The following DNALI1 variants were observed in gnomAD, a reference collection of about 807,000 sequenced individuals.
DNALI1 encodes the protein dynein axonemal light intermediate chain 1.
DNALI1 carries 31 observed loss-of-function variants against 33.9 expected under a neutral mutation model. The observed-to-expected ratio is 0.91, with a 90% CI of 0.69 to 1.23. DNALI1 has a LOEUF of 1.23. DNALI1 is among the 50% of genes most tolerant of loss of function. The pLI, the probability that DNALI1 is intolerant of heterozygous loss-of-function variation, is 0.00. For synonymous variants in DNALI1, 117 were observed against 129.2 expected (o/e 0.91, Z 0.64); for missense variants, 305 against 323.8 (o/e 0.94, Z 0.44).
chr1:37,562,121 A>G lies in DNALI1; in HGVS notation c.617A>G (p.Gln206Arg), dbSNP rs369922317. ...LETEKRDLER[Q>R]VNEQKAKCEA... Reference sequence around the variant, plus strand: ...ACGGAAAAGAGAGACCTGGAGAGGCAAGTGAACGAGCAGAAGGCAAAATGT... The same window carrying G: ...ACGGAAAAGAGAGACCTGGAGAGGCGAGTGAACGAGCAGAAGGCAAAATGT... Residue 206 changes from glutamine to arginine, a missense_variant, in exon 5 of 6, where the codon CAA becomes CGA. By Grantham distance (43) the Gln-to-Arg change is conservative (BLOSUM62 1). Transcript: ENST00000652629. This position sits in a 1 kb window ranked among gnomAD's most constrained non-coding sequence, Gnocchi z 5.8. 5.0e-6 allele frequency: 8 copies of G among 1,614,012 alleles called. No individual in the cohort carries two copies. The African/African-American group carries it at 6.7e-5, about 13-fold the overall frequency.
Position 37,559,379 on chromosome 1 carries a change from A to C in DNALI1, c.280A>C (p.Ser94Arg), listed in dbSNP as rs777865603. 6.2e-7 allele frequency: 1 copy of C among 1,612,672 alleles called. No individual in the cohort carries two copies. ...LWIQQVSSTP[S>R]TRMDVVHLQE... Reference sequence around the variant, plus strand: ...GATCCAGCAGGTGTCCAGCACCCCTAGCACCAGGATGGACGTGGTGCACCT... The same window carrying C: ...GATCCAGCAGGTGTCCAGCACCCCTCGCACCAGGATGGACGTGGTGCACCT... Residue 94 changes from serine (S) to arginine (R), a missense_variant, in exon 3 of 6, where the codon AGC becomes CGC. Coordinates refer to ENST00000652629, the MANE Select transcript of DNALI1 (RefSeq NM_003462.5). This position sits in a 1 kb window ranked among gnomAD's most constrained non-coding sequence, Gnocchi z 5.3.
intron 2 of DNALI1, among the ~76,000 whole-genome samples, chr1:37,558,565 G>C (rs947526261): frequency 6.6e-6 from 1 of 152,086 alleles, no homozygotes; most frequent in Non-Finnish European, 1.5e-5. Context: ...TCTGTTTCTT[G>C]TTCACTGTGC....
In DNALI1 at chr1:37,559,575, G is replaced by C; in HGVS notation, c.397+79G>C. 2.2e-6 allele frequency: 3 copies of C among 1,363,074 alleles called. No homozygotes were observed. The highest frequency in any genetic ancestry group is 2.9e-6 in the Non-Finnish European group (3 of 1,043,876). 84.4% of individuals were successfully genotyped at this position (1,363,074 alleles called of 1,614,324 possible). Reference sequence around the variant, plus strand: ...TCACCTTCAGCACAGATCCAAGCCTGAGCACCTTGGAGCTGGAGCCCATCT... The same window carrying C: ...TCACCTTCAGCACAGATCCAAGCCTCAGCACCTTGGAGCTGGAGCCCATCT... On this transcript the variant is annotated intron_variant, in intron 3 of 5. Coordinates refer to ENST00000652629, the MANE Select transcript of DNALI1 (RefSeq NM_003462.5). This position sits in a 1 kb window ranked among gnomAD's most constrained non-coding sequence, Gnocchi z 5.3.
Position 37,557,647 on chromosome 1 carries a change from T to C in DNALI1, c.126T>C (p.Gly42=), listed in dbSNP as rs577512383. The change falls in exon 2 of 6, where the codon GGT becomes GGC. Residue 42 remains glycine (G), a synonymous_variant. Coordinates refer to ENST00000652629, the MANE Select transcript of DNALI1 (RefSeq NM_003462.5). ...KVSPQQPGPS[G]SAPQPPKTKL... ...GCCCCCAGCAGCCTGGACCTTCAGG[T>C]TCAGCCCCACAGCCACCCAAGACCA... 1 of 1,613,984 alleles carries C rather than the reference T, an allele frequency of 6.2e-7. No homozygotes were observed. The highest frequency in any genetic ancestry group is 1.1e-5 in the South Asian group (1 of 91,082).
intron 1 of DNALI1, 85 bp from the exon 2 acceptor site, chr1:37,557,518 A>G: frequency 6.6e-7 from 1 of 1,508,924 alleles, no homozygotes; most frequent in Non-Finnish European, 8.9e-7. Flanking sequence ...GGCTGTGCAG[A>G]AGACCTGGAG....
rs1643412338 is a variant in DNALI1, at chr1:37,559,598, T to A, written c.397+102T>A. On this transcript the variant is annotated intron_variant, in intron 3 of 5. Coordinates refer to ENST00000652629, the MANE Select transcript of DNALI1 (RefSeq NM_003462.5). The surrounding 1 kb of genome is among the most constrained non-coding windows in gnomAD (Gnocchi z 5.3). The stretch of plus-strand genomic sequence containing the variant: ...CTGAGCACCTTGGAGCTGGAGCCCA[T>A]CTCATGCTGGAATCCCCTCTTCTCC... The A allele has an allele frequency of 1.5e-6, 2 of 1,290,728 alleles. No individual in the cohort carries two copies. The highest frequency in any genetic ancestry group is 3.6e-5 in the Admixed American group (1 of 27,938). The allele number at this position is 1,290,728 out of a possible 1,614,324, so 80.0% of individuals were successfully genotyped here.
rs140783025 is a variant in DNALI1, at chr1:37,556,980, A to C, written c.-15A>C. On this transcript the variant is annotated 5_prime_UTR_variant, in exon 1 of 6. Coordinates refer to ENST00000652629, the MANE Select transcript of DNALI1 (RefSeq NM_003462.5). The stretch of plus-strand genomic sequence containing the variant: ...TGGACAGGGCAGCTGCTGGGTTGCT[A>C]CTCTCGCCTCCGCCATGATTCCGCC... 1.2e-6 allele frequency: 2 copies of C among 1,613,682 alleles called. No individual in the cohort carries two copies. The highest frequency in any genetic ancestry group is 1.1e-5 in the South Asian group (1 of 91,062).
chr1:37,561,600 G>T lies in DNALI1; in HGVS notation c.441G>T (p.Gly147=), dbSNP rs1292401582. 12 of 1,613,050 alleles carry T rather than the reference G, an allele frequency of 7.4e-6. No homozygotes were observed. Among genetic ancestry groups the T allele is most frequent in the African/African-American group, 1.3e-5 (1 of 74,874 alleles). The change falls in exon 4 of 6, where the codon GGG becomes GGT. Residue 147 remains glycine, a synonymous_variant. Transcript: ENST00000652629. This position sits in a 1 kb window ranked among gnomAD's most constrained non-coding sequence, Gnocchi z 4.6. ...TCACCATCAACTGTGCGGAGAGGGG[G>T]CTGCTGCTGCTGCGAGTCCGGGACG... The part of the protein sequence containing the change: ...REVTINCAER[G]LLLLRVRDEI...
rs11749 is a variant in DNALI1 at position 37,557,715 on chromosome 1, C to T, written c.194C>T (p.Ala65Val). 0.24 allele frequency: 392,736 copies of T among 1,613,484 alleles called. 49,427 individuals are homozygous for T. The highest frequency in any genetic ancestry group is 0.32 in the Middle Eastern group (1,917 of 6,058). The change falls in exon 2 of 6, where the codon GCA becomes GTA. Residue 65 changes from alanine to valine, a missense_variant. Transcript: ENST00000652629. ...TPCVPDPTKQ[A>V]EEILNAILPP... ...TGTGTCCCAGATCCTACAAAGCAGG[C>T]AGAAGAAATCTTGAATGCCATACTA...
intron 1 of DNALI1, 42 bp downstream of exon 1, chr1:37,557,117 C>T (rs201048455): frequency 1.2e-6 from 2 of 1,613,480 alleles, no homozygotes; most frequent in African/African-American, 1.3e-5. Flanking sequence ...CTCGAAACTC[C>T]GATAGGGAAA....
Position 37,561,955 on chromosome 1 carries a change from CA to C in DNALI1, c.577-125del, listed in dbSNP as rs1399212173. The C allele has an allele frequency of 6.8e-7, 1 of 1,462,962 alleles. No homozygotes were observed. Among genetic ancestry groups the C allele is most frequent in the Non-Finnish European group, 9.3e-7 (1 of 1,074,196 alleles). 90.6% of individuals were successfully genotyped at this position (1,462,962 alleles called of 1,614,324 possible). On this transcript the variant is annotated intron_variant, in intron 4 of 5. Coordinates refer to ENST00000652629, the MANE Select transcript of DNALI1 (RefSeq NM_003462.5). The surrounding 1 kb of genome is among the most constrained non-coding windows in gnomAD (Gnocchi z 4.6). Reference sequence around the variant, plus strand: ...TCCGCTGTAGACGCTCCATGCCAGGCACTGACCTCCCACTGGGTGGCAGTAT... The same window carrying C: ...TCCGCTGTAGACGCTCCATGCCAGGCCTGACCTCCCACTGGGTGGCAGTAT...
At chr1:37,564,054 TG>T (rs1172873424) in intron 5 of DNALI1, among the ~76,000 whole-genome samples, 1 of 151,740 alleles carries the variant, frequency 6.6e-6, no homozygotes. Flanking sequence ...GCCAACGTGG[TG>T]AAACCCATTT....
intron 3 of DNALI1, among the ~76,000 whole-genome samples, chr1:37,560,064 G>T (rs759417034): frequency 3.3e-5 from 5 of 152,202 alleles, no homozygotes; most frequent in Non-Finnish European, 5.9e-5. Context: ...GAGCAGCATT[G>T]CTGCCAACAT....
chr1:37,558,390 C>T (rs759104618), intron 2 of DNALI1, among the ~76,000 whole-genome samples: 20 of 152,226 alleles, frequency 1.3e-4, no homozygotes, highest in Non-Finnish European at 2.6e-4. Context: ...CTCCTAGAAT[C>T]TATCCTCCAT....
Sources: allele counts gnomAD v4.1 joint callset (sites outside exome capture counted in the v4.1 genomes callset), GRCh38; gene constraint gnomAD v4.1.1; non-coding constraint Gnocchi (gnomAD v3.1); transcripts MANE v1.5; gene names NCBI Gene and HGNC (gene_info 2026-07-23, HGNC 2026-07-21).